The following EXD1 variants were observed in gnomAD, a reference collection of about 807,000 sequenced individuals.
EXD1 encodes the protein exonuclease 3'-5' domain containing 1, also known as piRNA biogenesis protein EXD1.
EXD1 carries 63 observed loss-of-function variants against 49.1 expected under a neutral mutation model. The observed-to-expected ratio is 1.28, with a 90% CI of 1.05 to 1.58. The LOEUF (loss-of-function observed/expected upper bound fraction) is 1.58, where lower values mean the gene tolerates loss of function less well. Ranked by LOEUF, EXD1 falls within the 40% of genes most tolerant of loss-of-function variation. EXD1 has a pLI of 0.00. For missense variants in EXD1, 748 were observed against 666.0 expected (o/e 1.12, Z -1.36); for synonymous variants, 234 against 239.2 (o/e 0.98, Z 0.20).
chr15:41,197,772 C>T (rs569794041), intron 7 of EXD1, among the ~76,000 whole-genome samples: 2 of 151,684 alleles, frequency 1.3e-5, no homozygotes, highest in African/African-American at 2.4e-5. Context: ...TACAGGGACC[C>T]GCCACCACAC....
At chr15:41,199,753 A>AATAAATCATATATG (rs1326775145) in intron 7 of EXD1, among the ~76,000 whole-genome samples, 1 of 96,890 alleles carries the variant, frequency 1.0e-5, no homozygotes, top group African/African-American at 4.5e-5. Flanking sequence ...TATATTATAT[A>AATAAATCATATATG]TGATACATAT....
intron 10 of EXD1, 74 bp from the exon 11 acceptor site, chr15:41,190,202 C>T (rs773481973): frequency 1.3e-6 from 2 of 1,509,208 alleles, no homozygotes; most frequent in Non-Finnish European, 1.8e-6. Flanking sequence ...AGGCTGGGCA[C>T]AGTGGCTCAT....
rs1340312980 is a variant in EXD1, at chr15:41,195,998, G to A, written c.574C>T (p.Leu192Phe). Reference sequence around the variant, plus strand: ...TTGTGGAAAGCTCGACTTCCCAGAAGGAAAATGTCAAATAAGTAAACTCGG... The same window carrying A: ...TTGTGGAAAGCTCGACTTCCCAGAAAGAAAATGTCAAATAAGTAAACTCGG... ...NCRVYLFDIFLLGSRAFHNGL... is the reference protein window; with the variant it reads ...NCRVYLFDIFFLGSRAFHNGL... The change falls in exon 8 of 12, where the codon CTT becomes TTT. Residue 192 changes from leucine (L) to phenylalanine (F), a missense_variant. Physicochemically the swap from Leu to Phe is conservative, Grantham distance 22. Transcript: ENST00000458580. 4 of 1,613,172 alleles carry A rather than the reference G, an allele frequency of 2.5e-6. No individual in the cohort carries two copies. The highest frequency in any genetic ancestry group is 2.2e-5 in the South Asian group (2 of 90,970).
rs1241591846 is a variant in EXD1 at position 41,182,820 on chromosome 15, T to C, written c.*1111A>G. On this transcript the variant is annotated 3_prime_UTR_variant, in exon 12 of 12. Transcript: ENST00000458580. ...GCAAGCATTCAATACTTTAAAAGGC[T>C]CAATACAAGCTGCCTTCCTTTCACC... 1 of 152,142 alleles carries C rather than the reference T, an allele frequency of 6.6e-6. No homozygotes were observed. Among genetic ancestry groups the C allele is most frequent in the Non-Finnish European group, 1.5e-5 (1 of 68,032 alleles). The allele number at this position is 152,142 out of a possible 1,614,324, so 9.4% of individuals were successfully genotyped here.
chr15:41,189,947 CCA>C lies in EXD1; in HGVS notation c.1044_1045del (p.Gly349ArgfsTer3). ...GAGAGCTGCACCTACCTCAGTGCCTCCAAGCCGGTCTGCAGACCCTTCGCGAT... is the reference window on the plus strand; with the variant it reads ...GAGAGCTGCACCTACCTCAGTGCCTCAGCCGGTCTGCAGACCCTTCGCGAT... On this transcript the variant is annotated frameshift_variant, in exon 11 of 12. Transcript: ENST00000458580. LOFTEE classifies it low-confidence loss of function (END_TRUNC). 6.2e-7 allele frequency: 1 copy of C among 1,613,912 alleles called. No homozygotes were observed. Among genetic ancestry groups the C allele is most frequent in the Non-Finnish European group, 8.5e-7 (1 of 1,179,916 alleles).
At chr15:41,221,840 C>T (rs956474588) in intron 2 of EXD1, among the ~76,000 whole-genome samples, 1 of 151,972 alleles carries the variant, frequency 6.6e-6, no homozygotes, top group Non-Finnish European at 1.5e-5. Context: ...CGGTGGTTCA[C>T]GCCTGTAATT....
chr15:41,192,125 G>GA (rs2046530252), intron 9 of EXD1: 1 of 153,984 alleles, frequency 6.5e-6, no homozygotes, highest in Non-Finnish European at 1.4e-5. Flanking sequence ...GCTCCTGGGA[G>GA]GCCACCACAT....
At chr15:41,213,136 T>C (rs1192137811) in intron 6 of EXD1, among the ~76,000 whole-genome samples, 1 of 152,202 alleles carries the variant, frequency 6.6e-6, no homozygotes, top group Non-Finnish European at 1.5e-5. Flanking sequence ...CTTGAAAACA[T>C]TATGCTAAGT....
At chr15:41,192,607 T>G (rs1418426060) in intron 9 of EXD1, among the ~76,000 whole-genome samples, 6 of 94,174 alleles carry the variant, frequency 6.4e-5, no homozygotes, top group African/African-American at 2.9e-4. Flanking sequence ...TTTTTTTTTT[T>G]TTTTTTTTTT....
Position 41,191,542 on chromosome 15 carries a change from A to T in EXD1, c.764T>A (p.Leu255His), listed in dbSNP as rs202157007. 2.5e-6 allele frequency: 4 copies of T among 1,614,002 alleles called. No homozygotes were observed. The highest frequency in any genetic ancestry group is 1.7e-5 in the Admixed American group (1 of 59,984). ...CTGCAAAGTAGTGATGCAGTTTGGA[A>T]GATAGCCACCCGTTTCCATGGAAAA... ...LQFSMETGGYLPNCITTLQES... is the reference protein window; with the variant it reads ...LQFSMETGGYHPNCITTLQES... The change falls in exon 10 of 12, where the codon CTT (leucine) becomes CAT (histidine). Residue 255 changes from leucine to histidine, a missense_variant. By Grantham distance (99) the Leu-to-His change is moderately conservative (BLOSUM62 -3). Transcript: ENST00000458580.
intron 6 of EXD1, among the ~76,000 whole-genome samples, chr15:41,214,980 C>T (rs1419609714): frequency 6.6e-6 from 1 of 152,034 alleles, no homozygotes. Context: ...CTCCTGACCT[C>T]GTGATCCACC....
intron 2 of EXD1, 49 bp downstream of exon 2, chr15:41,226,394 A>G (rs982992836): frequency 1.3e-6 from 2 of 1,514,832 alleles, no homozygotes; most frequent in Admixed American, 2.0e-5. Context: ...ACTGAAAGTC[A>G]ATCACTAATC....
intron 11 of EXD1, among the ~76,000 whole-genome samples, chr15:41,188,433 C>T (rs1199900811): frequency 6.6e-6 from 1 of 151,486 alleles, no homozygotes; most frequent in Non-Finnish European, 1.5e-5. Context: ...CTGCTGGTCA[C>T]CCAGGCTGGA....
rs143148566 is a variant in EXD1, at chr15:41,184,579, C to T, written c.1071G>A (p.Glu357=). ...RLGGTEPTCM[E]LPEELLQLKD... ...TGAGTTGAAGCAGTTCCTCTGGCAG[C>T]TCCATACATGTAGGCTAAGAAGAGA... Residue 357 remains glutamate, a synonymous_variant, in exon 12 of 12, where the codon GAG becomes GAA. Coordinates refer to ENST00000458580, the MANE Select transcript of EXD1 (RefSeq NM_001286441.2). The T allele has an allele frequency of 7.5e-6, 12 of 1,594,238 alleles. No individual in the cohort carries two copies. In the East Asian group the frequency reaches 2.5e-4, roughly 33 times the overall value.
chr15:41,210,703 G>C (rs2046909082), intron 6 of EXD1, among the ~76,000 whole-genome samples: 1 of 151,512 alleles, frequency 6.6e-6, no homozygotes, highest in South Asian at 2.1e-4. Flanking sequence ...GGTACCCCAG[G>C]TACACACTCT....
chr15:41,192,100 C>T (rs2046529739), intron 9 of EXD1: 1 of 154,008 alleles, frequency 6.5e-6, no homozygotes, highest in African/African-American at 2.4e-5. Context: ...CTTAGGCAAC[C>T]TGGTGGTTCT....
At chr15:41,229,493 G>A (rs1423563765) in intron 1 of EXD1, among the ~76,000 whole-genome samples, 1 of 152,084 alleles carries the variant, frequency 6.6e-6, no homozygotes, top group Non-Finnish European at 1.5e-5. Flanking sequence ...AACAAGCCAG[G>A]TGCGGTGGCT....
intron 6 of EXD1, 78 bp downstream of exon 6, chr15:41,215,693 AAAAG>A (rs1351542112): frequency 1.5e-5 from 22 of 1,457,202 alleles, no homozygotes; most frequent in Non-Finnish European, 7.6e-6. Flanking sequence ...CTCAAAAAAA[AAAAG>A]AAAGAAAGAA....
chr15:41,203,944 A>G (rs866077897), intron 7 of EXD1, among the ~76,000 whole-genome samples: 1 of 139,846 alleles, frequency 7.2e-6, no homozygotes, highest in Non-Finnish European at 1.5e-5. Flanking sequence ...AAAAAAAAAA[A>G]CCCTAAAAAT....
Sources: allele counts gnomAD v4.1 joint callset (sites outside exome capture counted in the v4.1 genomes callset), GRCh38; gene constraint gnomAD v4.1.1; transcripts MANE v1.5; gene names NCBI Gene and HGNC (gene_info 2026-07-23, HGNC 2026-07-21).